The following MAOA variants were observed in gnomAD, a reference collection of about 807,000 sequenced individuals.
The protein encoded by MAOA is monoamine oxidase A, also known as amine oxidase [flavin-containing] A.
A neutral mutation model predicts 42.0 loss-of-function variants in MAOA; 6 were observed. The ratio of observed to expected loss-of-function variants is 0.14; its 90% CI spans 0.08 to 0.28. MAOA has a LOEUF of 0.28. MAOA is among the 10% of genes least tolerant of loss of function. The pLI, the probability that MAOA is intolerant of heterozygous loss-of-function variation, is 1.00. For missense variants in MAOA, 262 were observed against 422.3 expected (o/e 0.62, Z 3.33); for synonymous variants, 140 against 154.0 (o/e 0.91, Z 0.67).
intron 1 of MAOA, among the ~76,000 whole-genome samples, chrX:43,667,185 A>G (rs2033289662): frequency 9.0e-6 from 1 of 111,344 alleles, no homozygotes; most frequent in African/African-American, 3.3e-5. Flanking sequence ...AGATGCATTC[A>G]CTGATGATCC....
intron 3 of MAOA, among the ~76,000 whole-genome samples, chrX:43,702,216 T>C (rs149742826): frequency 8.0e-4 from 90 of 112,190 alleles, no homozygotes; most frequent in African/African-American, 2.8e-3. Flanking sequence ...TAACCCTCTG[T>C]ATCACGTGCA....
chrX:43,740,641 C>T (rs1290595767), intron 10 of MAOA, 40 bp from the exon 11 acceptor site: 8 of 1,115,913 alleles, frequency 7.2e-6, no homozygotes, highest in South Asian at 1.9e-5. Flanking sequence ...TTACTCCTTC[C>T]CTAACTTTAT....
At chrX:43,737,991 G>A (rs2033932906) in intron 10 of MAOA, among the ~76,000 whole-genome samples, 1 of 112,028 alleles carries the variant, frequency 8.9e-6, no homozygotes, top group Non-Finnish European at 1.9e-5. Flanking sequence ...TACTAAATAT[G>A]TCATTGACAA....
chrX:43,690,339 A>T (rs1343276484), intron 2 of MAOA, among the ~76,000 whole-genome samples: 1 of 110,523 alleles, frequency 9.0e-6, no homozygotes, highest in African/African-American at 3.3e-5. Context: ...AGTTTTAAAA[A>T]TTTTAATTAG....
chrX:43,718,622 G>A (rs1335442551), intron 5 of MAOA, among the ~76,000 whole-genome samples: 4 of 109,033 alleles, frequency 3.7e-5, no homozygotes, highest in Non-Finnish European at 7.6e-5. Flanking sequence ...GAGACCATCA[G>A]GGGGATGTTG....
Position 43,737,667 on chromosome X carries a change from A to C in MAOA, c.1106+1387A>C, listed in dbSNP as rs183721965. Among the ~76,000 whole-genome samples the C allele has an allele frequency of 3.6e-3, 405 of 112,011 alleles. 5 individuals carry two copies. Among genetic ancestry groups the C allele is most frequent in the Non-Finnish European group, 6.6e-3 (352 of 53,210 alleles). ...AGGGCACTAATCTATTCATGAGAGC[A>C]GAATCTTCCTGATTTCATCATTTCC... On this transcript the variant is annotated intron_variant, in intron 10 of 14. Coordinates refer to ENST00000338702, the MANE Select transcript of MAOA (RefSeq NM_000240.4).
chrX:43,663,618 C>T (rs1478950237), intron 1 of MAOA, among the ~76,000 whole-genome samples: 2 of 111,623 alleles, frequency 1.8e-5, no homozygotes, highest in Admixed American at 9.5e-5. Context: ...CTCACTGGAC[C>T]TGCTTTGTCA....
intron 10 of MAOA, among the ~76,000 whole-genome samples, chrX:43,737,205 G>A (rs1371173554): frequency 9.1e-6 from 1 of 110,471 alleles, no homozygotes; most frequent in Non-Finnish European, 1.9e-5. Context: ...GTGGTAAATG[G>A]TTGAATCTCA....
intron 10 of MAOA, among the ~76,000 whole-genome samples, chrX:43,739,692 C>T (rs1047211604): frequency 8.9e-6 from 1 of 112,188 alleles, no homozygotes; most frequent in African/African-American, 3.2e-5. Flanking sequence ...TGACTCAAAC[C>T]TTTTGCCACA....
In MAOA at chrX:43,741,939, C is replaced by T. The variant is rs948692153; in HGVS notation, c.1165-11C>T. ...TTTCTCTTTTGTATTTTCTTCCCCACTGAACTGCAGCCAGTGCATTATGAA... is the reference window on the plus strand; with the variant it reads ...TTTCTCTTTTGTATTTTCTTCCCCATTGAACTGCAGCCAGTGCATTATGAA... On this transcript the variant is annotated splice_polypyrimidine_tract_variant and intron_variant, in intron 11 of 14. Coordinates refer to ENST00000338702, the MANE Select transcript of MAOA (RefSeq NM_000240.4). 5.0e-6 allele frequency: 6 copies of T among 1,209,986 alleles called. No homozygotes were observed. In the Admixed American group the frequency reaches 1.3e-4, roughly 26 times the overall value.
At chrX:43,735,611 A>G (rs1051770457) in intron 9 of MAOA, among the ~76,000 whole-genome samples, 1 of 112,679 alleles carries the variant, frequency 8.9e-6, no homozygotes, top group African/African-American at 3.2e-5. Flanking sequence ...CTTGAGCTCC[A>G]ATGTTGTCCC....
In MAOA at chrX:43,727,837, A is replaced by C. The variant is rs752974494; in HGVS notation, c.504-336A>C. Among the ~76,000 whole-genome samples, 182 of 111,996 alleles carry C rather than the reference A, an allele frequency of 1.6e-3. 1 individual carries two copies. Among genetic ancestry groups the C allele is most frequent in the African/African-American group, 5.8e-3 (180 of 30,849 alleles). Reference sequence around the variant, plus strand: ...CATGAGCTGCACCCACTGTCCAACCAGTCCCAATGAGATGAACCAGGTACC... The same window carrying C: ...CATGAGCTGCACCCACTGTCCAACCCGTCCCAATGAGATGAACCAGGTACC... On this transcript the variant is annotated intron_variant, in intron 5 of 14. Coordinates refer to ENST00000338702, the MANE Select transcript of MAOA (RefSeq NM_000240.4).
chrX:43,737,014 C>T (rs1366277082), intron 10 of MAOA, among the ~76,000 whole-genome samples: 1 of 111,542 alleles, frequency 9.0e-6, no homozygotes, highest in African/African-American at 3.3e-5. Context: ...AAACAGCTAA[C>T]CCATTAGCAG....
chrX:43,723,941 G>T (rs2033811738), intron 5 of MAOA, among the ~76,000 whole-genome samples: 1 of 111,397 alleles, frequency 9.0e-6, no homozygotes, highest in Non-Finnish European at 1.9e-5. Flanking sequence ...AGATAATCTT[G>T]TGGTTTTTGT....
upstream of MAOA, chrX:43,655,148 T>TACCCGCACCAGTACCGGC (rs1273536310): frequency 8.5e-6 from 1 of 117,139 alleles, no homozygotes; most frequent in Admixed American, 9.3e-5. Context: ...CCGGCACCAG[T>TACCCGCACCAGTACCGGC]ACCCGCACCA....
chrX:43,679,343 A>T (rs1159180817), intron 1 of MAOA, among the ~76,000 whole-genome samples: 1 of 108,851 alleles, frequency 9.2e-6, no homozygotes, highest in Non-Finnish European at 1.9e-5. Context: ...AAATCCATTC[A>T]TAAAACTTGT....
At chrX:43,689,369 C>T (rs2033514656) in intron 2 of MAOA, among the ~76,000 whole-genome samples, 1 of 111,810 alleles carries the variant, frequency 8.9e-6, no homozygotes, top group African/African-American at 3.2e-5. Flanking sequence ...TAACAGTTTT[C>T]CTCTTGGTTT....
At chrX:43,710,694 A>G (rs934558806) in intron 3 of MAOA, among the ~76,000 whole-genome samples, 7 of 112,245 alleles carry the variant, frequency 6.2e-5, no homozygotes, top group African/African-American at 2.3e-4. Context: ...TTTCTGGTCT[A>G]TTTCCTAGGG....
chrX:43,706,489 C>A (rs1226635718), intron 3 of MAOA, among the ~76,000 whole-genome samples: 1 of 110,932 alleles, frequency 9.0e-6, no homozygotes, highest in East Asian at 2.8e-4. Flanking sequence ...TCTTTTAAAA[C>A]CCTTCACTGT....
Sources: allele counts gnomAD v4.1 joint callset (sites outside exome capture counted in the v4.1 genomes callset), GRCh38; gene constraint gnomAD v4.1.1; transcripts MANE v1.5; gene names NCBI Gene and HGNC (gene_info 2026-07-23, HGNC 2026-07-21).